PRLR: variants seen among roughly 807,000 people sequenced by gnomAD.
The protein encoded by PRLR is hPRL receptor.
Under a neutral mutation model 40.2 loss-of-function variants are expected in PRLR, and 13 were observed. The observed-to-expected ratio is 0.32, with a 90% confidence interval of 0.21 to 0.51. The LOEUF (loss-of-function observed/expected upper bound fraction) is 0.51. Among genes scored for constraint, PRLR ranks in the 20% least tolerant of loss-of-function variants. The pLI, the probability that PRLR is intolerant of heterozygous loss-of-function variation, is 0.97. For synonymous variants in PRLR, 269 were observed against 278.7 expected (o/e 0.97, Z 0.35); for missense variants, 656 against 747.3 (o/e 0.88, Z 1.42).
chr5:35,114,630 C>G (rs1397022819), intron 2 of PRLR, among the ~76,000 whole-genome samples: 1 of 152,160 alleles, frequency 6.6e-6, no homozygotes, highest in Non-Finnish European at 1.5e-5. Context: ...CTGCCTGGCT[C>G]CTTGTGTCAC....
intron 1 of PRLR, among the ~76,000 whole-genome samples, chr5:35,188,750 C>A (rs1233917765): frequency 1.3e-5 from 2 of 152,252 alleles, no homozygotes; most frequent in Admixed American, 6.5e-5. Flanking sequence ...CCGGTGGAAT[C>A]TCAATGCCGT....
intron 1 of PRLR, among the ~76,000 whole-genome samples, chr5:35,196,794 C>T (rs73078866): frequency 0.023 from 3,496 of 152,264 alleles, 132 homozygotes; most frequent in African/African-American, 0.08. Context: ...GTGCTTTAGA[C>T]GGAGTGGCTT....
At position 35,064,987 on chromosome 5, in the gene PRLR, T is replaced by A. The variant is rs1769262309; in HGVS notation, c.*102A>T. 7.6e-7 allele frequency: 1 copy of A among 1,322,524 alleles called. No homozygotes were observed. The highest frequency in any genetic ancestry group is 1.0e-6 in the Non-Finnish European group (1 of 968,776). 81.9% of individuals were successfully genotyped at this position (1,322,524 alleles called of 1,614,324 possible). A position where few individuals can be genotyped will look rare whatever the true frequency, so the allele number is the denominator to read the frequency against. On this transcript the variant is annotated 3_prime_UTR_variant, in exon 10 of 10. Coordinates refer to ENST00000618457, the MANE Select transcript of PRLR (RefSeq NM_000949.7). ...TGGAGCATGAAAGGAGCTGGGAGCT[T>A]TAGTAGTGTCAGTCTGACTACATTC...
rs1175471417 is a variant in PRLR, at chr5:35,057,008, A to C, written c.*8081T>G. The C allele has an allele frequency of 6.6e-6, 1 of 152,180 alleles. No individual in the cohort carries two copies. The highest frequency in any genetic ancestry group is 1.5e-5 in the Non-Finnish European group (1 of 68,028). The allele number at this position is 152,180 out of a possible 1,614,324, so 9.4% of individuals were successfully genotyped here. On this transcript the variant is annotated 3_prime_UTR_variant, in exon 10 of 10. Coordinates refer to ENST00000618457, the MANE Select transcript of PRLR (RefSeq NM_000949.7). ...ATCCATTAAAAGATTATCCATTTAC[A>C]CTTCATCTGATGGATTTTGTCAGAA...
intron 1 of PRLR, among the ~76,000 whole-genome samples, chr5:35,218,345 TG>T (rs572852969): frequency 9.6e-4 from 146 of 152,324 alleles, no homozygotes; most frequent in African/African-American, 3.3e-3. Flanking sequence ...TGTTAATCTC[TG>T]TTGAAAATTA....
intron 1 of PRLR, among the ~76,000 whole-genome samples, chr5:35,204,163 A>G (rs1434279138): frequency 6.6e-6 from 1 of 151,642 alleles, no homozygotes; most frequent in Non-Finnish European, 1.5e-5. Context: ...GAAGATCAGA[A>G]TGTTGCGCCG....
intron 1 of PRLR, among the ~76,000 whole-genome samples, chr5:35,213,489 G>A (rs1433274465): frequency 6.6e-6 from 1 of 151,922 alleles, no homozygotes; most frequent in Non-Finnish European, 1.5e-5. Flanking sequence ...TGTTACTGCT[G>A]TTTCTTTAGC....
chr5:35,222,566 C>T (rs1226224542), intron 1 of PRLR, among the ~76,000 whole-genome samples: 2 of 152,280 alleles, frequency 1.3e-5, no homozygotes, highest in Middle Eastern at 3.4e-3. Flanking sequence ...CTCTCGGGAC[C>T]ACTGTGACTG....
At chr5:35,099,278 G>A (rs1051459248) in intron 2 of PRLR, among the ~76,000 whole-genome samples, 2 of 152,146 alleles carry the variant, frequency 1.3e-5, no homozygotes, top group African/African-American at 2.4e-5. Flanking sequence ...CATATATGGT[G>A]GTGGTCCTAT....
At chr5:35,194,944 T>C (rs565054867) in intron 1 of PRLR, among the ~76,000 whole-genome samples, 3 of 152,354 alleles carry the variant, frequency 2.0e-5, no homozygotes, top group South Asian at 4.1e-4. Context: ...CGGTTCATCA[T>C]GATAAACATA....
chr5:35,107,963 C>A (rs1423402912), intron 2 of PRLR, among the ~76,000 whole-genome samples: 1 of 152,088 alleles, frequency 6.6e-6, no homozygotes, highest in Non-Finnish European at 1.5e-5. Flanking sequence ...AACATCGATG[C>A]AAAAATCTTC....
chr5:35,181,176 A>G (rs962611047), intron 1 of PRLR, among the ~76,000 whole-genome samples: 5 of 152,190 alleles, frequency 3.3e-5, no homozygotes, highest in Admixed American at 2.0e-4. Flanking sequence ...CAACCAGCTA[A>G]CCTCTGCTGA....
intron 1 of PRLR, among the ~76,000 whole-genome samples, chr5:35,118,451 C>T (rs1282110697): frequency 6.6e-6 from 1 of 152,146 alleles, no homozygotes; most frequent in Non-Finnish European, 1.5e-5. Context: ...GAACTAGTCA[C>T]AGTCATGATG....
chr5:35,073,624 A>G (rs985054092), intron 5 of PRLR, among the ~76,000 whole-genome samples: 1 of 152,196 alleles, frequency 6.6e-6, no homozygotes, highest in Non-Finnish European at 1.5e-5. Flanking sequence ...ACCCATAACT[A>G]TGTGACTTAG....
intron 5 of PRLR, among the ~76,000 whole-genome samples, 190 bp from the exon 6 acceptor site, chr5:35,072,934 A>G (rs944843240): frequency 6.6e-6 from 1 of 152,186 alleles, no homozygotes; most frequent in Admixed American, 6.6e-5. Flanking sequence ...GTGCATACAG[A>G]TGAGGTTTAC....
chr5:35,170,803 A>G (rs1774975620), intron 1 of PRLR, among the ~76,000 whole-genome samples: 1 of 152,218 alleles, frequency 6.6e-6, no homozygotes, highest in Non-Finnish European at 1.5e-5. Flanking sequence ...GTGAGCACAG[A>G]TTTAGCACAA....
chr5:35,212,535 G>A (rs1210230418), intron 1 of PRLR, among the ~76,000 whole-genome samples: 2 of 152,188 alleles, frequency 1.3e-5, no homozygotes, highest in African/African-American at 2.4e-5. Context: ...CAAAATCATA[G>A]TTTTCACAAA....
Position 35,060,145 on chromosome 5 carries a change from G to A in PRLR, c.*4944C>T, listed in dbSNP as rs977861564. 1 of 152,192 alleles carries A rather than the reference G, an allele frequency of 6.6e-6. No individual in the cohort carries two copies. Among genetic ancestry groups the A allele is most frequent in the Non-Finnish European group, 1.5e-5 (1 of 68,032 alleles). 9.4% of individuals were successfully genotyped at this position (152,192 alleles called of 1,614,324 possible). ...AAATCTCTAAATGGGATATACTTGT[G>A]ATCTTCAACTTGGCCTTGGATATCT... On this transcript the variant is annotated 3_prime_UTR_variant, in exon 10 of 10. Coordinates refer to ENST00000618457, the MANE Select transcript of PRLR (RefSeq NM_000949.7).
chr5:35,066,681 G>C (rs78302637), intron 9 of PRLR, among the ~76,000 whole-genome samples: 1 of 135,568 alleles, frequency 7.4e-6, no homozygotes, highest in African/African-American at 2.8e-5. Flanking sequence ...CCATATTTCC[G>C]CCCTTCCTAT....
Sources: allele counts gnomAD v4.1 joint callset (sites outside exome capture counted in the v4.1 genomes callset), GRCh38; gene constraint gnomAD v4.1.1; transcripts MANE v1.5; gene names NCBI Gene and HGNC (gene_info 2026-07-23, HGNC 2026-07-21).